PTPRD: variants seen among roughly 807,000 people sequenced by gnomAD.
PTPRD encodes protein tyrosine phosphatase receptor type D.
A neutral mutation model predicts 214.5 loss-of-function variants in PTPRD; 34 were observed. That is an observed-to-expected ratio of 0.16 (90% CI 0.12 to 0.21). The LOEUF (loss-of-function observed/expected upper bound fraction) is 0.21, where lower values mean the gene tolerates loss of function less well. PTPRD is among the 10% of genes least tolerant of loss of function. The pLI, the probability that PTPRD is intolerant of heterozygous loss-of-function variation, is 1.00. For synonymous variants in PTPRD, 1,128 were observed against 845.7 expected (o/e 1.33, Z -5.79); for missense variants, 2,545 against 2,398.7 (o/e 1.06, Z -1.27).
rs1032793850 is a variant in PTPRD at position 8,975,651 on chromosome 9, G to A, written c.-104+43046C>T. Among the ~76,000 whole-genome samples the A allele has an allele frequency of 3.3e-5, 5 of 151,806 alleles. No homozygotes were observed. In the East Asian group the frequency reaches 5.8e-4, roughly 18 times the overall value. ...GCCTCATAAAATTACTTATCTTGAT[G>A]TATGTATTTATTCAGTGTAATAAAC... On this transcript the variant is annotated intron_variant, in intron 11 of 45. Transcript: ENST00000381196.
intron 14 of PTPRD, among the ~76,000 whole-genome samples, chr9:8,530,727 A>T (rs1383838567): frequency 6.6e-6 from 1 of 152,122 alleles, no homozygotes; most frequent in Non-Finnish European, 1.5e-5. Flanking sequence ...AGAGGCAACC[A>T]GTTAAATAGT....
Position 8,633,356 on chromosome 9 carries a change from C to T in PTPRD, c.313G>A (p.Gly105Arg), listed in dbSNP as rs959497940. The change falls in exon 14 of 46, where the codon GGA (glycine) becomes AGA (arginine). Residue 105 changes from glycine (G) to arginine (R), a missense_variant. Coordinates refer to ENST00000381196, the MANE Select transcript of PTPRD (RefSeq NM_002839.4). ...AGTCTGGTGGATACACTTATTTCTCCCACATTATTTGAGGCCACACATTCA... is the reference window on the plus strand; with the variant it reads ...AGTCTGGTGGATACACTTATTTCTCTCACATTATTTGAGGCCACACATTCA... The part of the protein sequence containing the change: ...IYECVASNNV[G>R]EISVSTRLTV... 9 of 1,612,596 alleles carry T rather than the reference C, an allele frequency of 5.6e-6. No individual in the cohort carries two copies. In the African/African-American group the frequency reaches 1.1e-4, roughly 19 times the overall value.
intron 5 of PTPRD, among the ~76,000 whole-genome samples, chr9:9,872,285 G>C (rs2065667358): frequency 6.6e-6 from 1 of 152,176 alleles, no homozygotes; most frequent in Admixed American, 6.5e-5. Flanking sequence ...CCCTGGGCAA[G>C]TGATTTGCCC....
intron 2 of PTPRD, among the ~76,000 whole-genome samples, chr9:10,468,992 G>C (rs2099012809): frequency 6.6e-6 from 1 of 152,130 alleles, no homozygotes; most frequent in South Asian, 2.1e-4. Context: ...ATCCAGAATT[G>C]TAAATATAAC....
chr9:9,745,705 C>G (rs1286193459), intron 6 of PTPRD, among the ~76,000 whole-genome samples: 1 of 152,112 alleles, frequency 6.6e-6, no homozygotes, highest in Non-Finnish European at 1.5e-5. Flanking sequence ...AGACTCTAGC[C>G]CTTTGCCTAC....
chr9:8,530,253 C>T (rs2075334408), intron 14 of PTPRD, among the ~76,000 whole-genome samples: 1 of 152,030 alleles, frequency 6.6e-6, no homozygotes. Context: ...GTCTCCTAAA[C>T]CTCACTAGCA....
intron 11 of PTPRD, among the ~76,000 whole-genome samples, chr9:8,976,986 G>T (rs1417107087): frequency 6.6e-6 from 1 of 151,946 alleles, no homozygotes; most frequent in Non-Finnish European, 1.5e-5. Context: ...TGGCCATTTG[G>T]CTCTGCAAAA....
intron 34 of PTPRD, among the ~76,000 whole-genome samples, chr9:8,439,583 A>G (rs1182674073): frequency 2.0e-5 from 3 of 152,202 alleles, no homozygotes; most frequent in East Asian, 1.9e-4. Context: ...GTTATATCAT[A>G]TATCAGAAAA....
At chr9:10,017,177 C>T (rs912264718) in intron 4 of PTPRD, among the ~76,000 whole-genome samples, 3 of 152,222 alleles carry the variant, frequency 2.0e-5, no homozygotes, top group Admixed American at 2.0e-4. Context: ...GTCTGGTGGA[C>T]ATCGAATATT....
At chr9:8,631,423 G>A (rs940090066) in intron 14 of PTPRD, among the ~76,000 whole-genome samples, 2 of 151,734 alleles carry the variant, frequency 1.3e-5, no homozygotes, top group African/African-American at 4.8e-5. Context: ...TAGCTGACTT[G>A]ATTGCTTTAG....
chr9:9,060,204 G>A (rs914580481), intron 10 of PTPRD, among the ~76,000 whole-genome samples: 1 of 152,130 alleles, frequency 6.6e-6, no homozygotes, highest in Non-Finnish European at 1.5e-5. Context: ...TTACGCATAG[G>A]AAAAATGACC....
intron 12 of PTPRD, chr9:8,713,429 C>T (rs963656725): frequency 4.6e-6 from 5 of 1,098,342 alleles, no homozygotes; most frequent in Non-Finnish European, 6.9e-6. Context: ...CGTGTCGTCG[C>T]CAAGTCCCGC....
At chr9:9,926,422 G>T (rs116580354) in intron 5 of PTPRD, among the ~76,000 whole-genome samples, 1 of 151,696 alleles carries the variant, frequency 6.6e-6, no homozygotes, top group Non-Finnish European at 1.5e-5. Flanking sequence ...AATATGGAAA[G>T]AAAAAAGGAA....
chr9:8,853,428 G>C (rs192363291), intron 11 of PTPRD, among the ~76,000 whole-genome samples: 3 of 152,070 alleles, frequency 2.0e-5, no homozygotes, highest in African/African-American at 7.2e-5. Context: ...TTAAAAAAGG[G>C]AGAGAATTTG....
At chr9:10,393,689 TATATATATAATATATATA>T (rs531255992) in intron 2 of PTPRD, among the ~76,000 whole-genome samples, 1 of 147,216 alleles carries the variant, frequency 6.8e-6, no homozygotes, top group East Asian at 2.0e-4. Context: ...GGTCTTGCTA[TATATATATAATATATATA>T]ATATATATAT....
chr9:10,114,385 T>A (rs2098714066), intron 3 of PTPRD, among the ~76,000 whole-genome samples: 1 of 152,130 alleles, frequency 6.6e-6, no homozygotes, highest in Non-Finnish European at 1.5e-5. Context: ...TCTTAGGCTA[T>A]AAAGGCAATT....
chr9:10,587,455 AAATT>A (rs763362372), intron 2 of PTPRD, among the ~76,000 whole-genome samples: 7 of 152,258 alleles, frequency 4.6e-5, no homozygotes, highest in South Asian at 2.1e-4. Flanking sequence ...ATAAGAGTGA[AAATT>A]AATAATAAAA....
chr9:8,376,777 T>C (rs1277491631), intron 37 of PTPRD, 51 bp from the exon 38 acceptor site: 28 of 1,603,074 alleles, frequency 1.7e-5, no homozygotes, highest in Non-Finnish European at 2.4e-5. Context: ...AATTTCTCTA[T>C]TAACTTTGCT....
intron 11 of PTPRD, among the ~76,000 whole-genome samples, chr9:8,928,560 A>G (rs13143874): frequency 8.3e-6 from 1 of 120,682 alleles, no homozygotes; most frequent in South Asian, 2.8e-4. Flanking sequence ...CCGTTGGTCT[A>G]TATCTCTGTT....
Sources: gnomAD v4.1 joint callset for allele counts (sites outside exome capture counted in the v4.1 genomes callset) on GRCh38, gnomAD v4.1.1 for gene constraint, MANE v1.5 for transcripts, NCBI Gene and HGNC (gene_info 2026-07-23, HGNC 2026-07-21) for gene names.